EFNA5: variants seen among roughly 807,000 people sequenced by gnomAD.
The protein encoded by EFNA5 is ephrin-A5.
In EFNA5, 5 loss-of-function variants were observed where a neutral mutation model predicts 22.9. The ratio of observed to expected loss-of-function variants is 0.22; its 90% CI spans 0.11 to 0.46. The LOEUF is 0.46. Ranked by LOEUF, EFNA5 falls within the 20% of genes least tolerant of loss-of-function variation. The pLI is 0.99. For missense variants in EFNA5, 237 were observed against 293.3 expected (o/e 0.81, Z 1.40); for synonymous variants, 113 against 112.2 (o/e 1.01, Z -0.04).
chr5:107,502,134 C>T lies in EFNA5; in HGVS notation c.126-74625G>A, dbSNP rs144906088. 7.1e-3 allele frequency among the ~76,000 whole-genome samples: 1,089 copies of T among 152,308 alleles called. 4 individuals are homozygous for T. Among genetic ancestry groups the T allele is most frequent in the Non-Finnish European group, 0.012 (793 of 68,028 alleles). On this transcript the variant is annotated intron_variant, in intron 1 of 4. Transcript: ENST00000333274. Reference sequence around the variant, plus strand: ...ACCCAACGTAGGGCAGAAACCAATCCTCTCAGTTCACCGATCTAATTCCAG... The same window carrying T: ...ACCCAACGTAGGGCAGAAACCAATCTTCTCAGTTCACCGATCTAATTCCAG...
chr5:107,644,518 T>A (rs1380662492), intron 1 of EFNA5, among the ~76,000 whole-genome samples: 1 of 152,194 alleles, frequency 6.6e-6, no homozygotes, highest in Non-Finnish European at 1.5e-5. Flanking sequence ...AACTTGTATA[T>A]TTTTTGCTGT....
chr5:107,402,249 T>C (rs1465549019), intron 2 of EFNA5, among the ~76,000 whole-genome samples: 1 of 152,192 alleles, frequency 6.6e-6, no homozygotes, highest in Non-Finnish European at 1.5e-5. Flanking sequence ...ATGTTTCTCA[T>C]TACAAGGATG....
intron 1 of EFNA5, among the ~76,000 whole-genome samples, chr5:107,586,570 CTG>C (rs1387305067): frequency 1.3e-5 from 2 of 152,170 alleles, no homozygotes; most frequent in African/African-American, 2.4e-5. Flanking sequence ...CACTGGATGA[CTG>C]TTTTTATTAC....
chr5:107,525,143 T>A (rs1436542871), intron 1 of EFNA5, among the ~76,000 whole-genome samples: 5 of 152,176 alleles, frequency 3.3e-5, no homozygotes, highest in Non-Finnish European at 2.9e-5. Context: ...GGCCTCTGTT[T>A]CTTATGTAAA....
chr5:107,457,417 C>T (rs6867911), intron 1 of EFNA5, among the ~76,000 whole-genome samples: 3 of 152,128 alleles, frequency 2.0e-5, no homozygotes, highest in African/African-American at 4.8e-5. Flanking sequence ...AAAGGCATCG[C>T]ATTTGCATAT....
In EFNA5 at chr5:107,670,747, G is replaced by A. The variant is rs1751180197; in HGVS notation, c.-134C>T. The A allele has an allele frequency of 3.1e-6, 4 of 1,285,462 alleles. No homozygotes were observed. The highest frequency in any genetic ancestry group is 4.2e-6 in the Non-Finnish European group (4 of 945,384). 79.6% of individuals were successfully genotyped at this position (1,285,462 alleles called of 1,614,324 possible). On this transcript the variant is annotated 5_prime_UTR_variant, in exon 1 of 5. Coordinates refer to ENST00000333274, the MANE Select transcript of EFNA5 (RefSeq NM_001962.3). ...ATATGAATAAATAAAAATGAAAGTG[G>A]GCGAGAAAGGAAAGAGGCGCCCACC...
chr5:107,389,394 G>A (rs924276137), intron 2 of EFNA5, among the ~76,000 whole-genome samples: 1 of 152,172 alleles, frequency 6.6e-6, no homozygotes, highest in African/African-American at 2.4e-5. Context: ...GGAAAACCAC[G>A]GGTTCCTGAG....
At position 107,387,105 on chromosome 5, in the gene EFNA5, C is replaced by T. The variant is rs577323054; in HGVS notation, c.565+130G>A. ...GGTAGAATATAAGTCATATTAGCAT[C>T]GCTAGCAATGAGCAAAAGCAGAACA... is the stretch of plus-strand genomic sequence containing the variant. On this transcript the variant is annotated intron_variant, in intron 4 of 4. Coordinates refer to ENST00000333274, the MANE Select transcript of EFNA5 (RefSeq NM_001962.3). The T allele has an allele frequency of 1.7e-3, 987 of 575,874 alleles. 1 individual carries two copies. The highest frequency in any genetic ancestry group is 2.8e-3 in the Non-Finnish European group (903 of 322,580). The allele number at this position is 575,874 out of a possible 1,614,324, so 35.7% of individuals were successfully genotyped here. A position where few individuals can be genotyped will look rare whatever the true frequency, so the allele number is the denominator to read the frequency against.
intron 2 of EFNA5, among the ~76,000 whole-genome samples, chr5:107,404,391 A>G (rs1354482160): frequency 6.6e-6 from 1 of 152,222 alleles, no homozygotes; most frequent in Non-Finnish European, 1.5e-5. Flanking sequence ...ACCAAATACA[A>G]ATTAGAAACA....
rs527293103 is a variant in EFNA5, at chr5:107,433,403, C to A, written c.126-5894G>T. On this transcript the variant is annotated intron_variant, in intron 1 of 4. Coordinates refer to ENST00000333274, the MANE Select transcript of EFNA5 (RefSeq NM_001962.3). ...ATGAATTATGTACTTTATGGTAGTT[C>A]TTGATAAACCAGAGGCCACCTGGAG... 2.0e-5 allele frequency among the ~76,000 whole-genome samples: 3 copies of A among 152,222 alleles called. No homozygotes were observed. The East Asian group carries it at 5.8e-4, about 29-fold the overall frequency.
At chr5:107,634,605 G>T (rs1227173908) in intron 1 of EFNA5, among the ~76,000 whole-genome samples, 1 of 146,170 alleles carries the variant, frequency 6.8e-6, no homozygotes, top group African/African-American at 2.4e-5. Flanking sequence ...ACGCCCTGGG[G>T]AGTTCAAAAC....
intron 1 of EFNA5, among the ~76,000 whole-genome samples, chr5:107,570,921 C>A (rs1378812135): frequency 6.6e-6 from 1 of 152,142 alleles, no homozygotes; most frequent in Non-Finnish European, 1.5e-5. Flanking sequence ...TAAAAACAAA[C>A]GAAAGTAAAC....
intron 1 of EFNA5, among the ~76,000 whole-genome samples, chr5:107,593,654 A>C (rs1320990168): frequency 6.6e-6 from 1 of 152,186 alleles, no homozygotes; most frequent in East Asian, 1.9e-4. Flanking sequence ...CCCTCACCCA[A>C]GGTGATTCTA....
chr5:107,399,268 C>T (rs886484188), intron 2 of EFNA5, among the ~76,000 whole-genome samples: 1 of 146,764 alleles, frequency 6.8e-6, no homozygotes, highest in Non-Finnish European at 1.5e-5. Context: ...GCCTGGCCAA[C>T]ATGGCAAAAC....
intron 1 of EFNA5, among the ~76,000 whole-genome samples, chr5:107,477,635 T>C (rs148265938): frequency 1.3e-5 from 2 of 152,292 alleles, no homozygotes; most frequent in East Asian, 3.9e-4. Flanking sequence ...GGTAACCTGA[T>C]AGTAATAACT....
At chr5:107,442,717 C>T (rs1489425326) in intron 1 of EFNA5, among the ~76,000 whole-genome samples, 1 of 151,544 alleles carries the variant, frequency 6.6e-6, no homozygotes, top group Non-Finnish European at 1.5e-5. Context: ...TGGAAGCGAG[C>T]TAAGGAAAGC....
chr5:107,598,851 T>C (rs964748763), intron 1 of EFNA5, among the ~76,000 whole-genome samples: 3 of 152,190 alleles, frequency 2.0e-5, no homozygotes, highest in South Asian at 4.1e-4. Flanking sequence ...TTCCACAATG[T>C]TTAACTCTTT....
intron 1 of EFNA5, among the ~76,000 whole-genome samples, chr5:107,572,493 G>A (rs935080263): frequency 2.0e-5 from 3 of 152,138 alleles, no homozygotes; most frequent in African/African-American, 4.8e-5. Context: ...GCCGCCAAAG[G>A]GAACCTGCCA....
chr5:107,407,525 G>A (rs1351069890), intron 2 of EFNA5, among the ~76,000 whole-genome samples: 1 of 152,018 alleles, frequency 6.6e-6, no homozygotes, highest in Non-Finnish European at 1.5e-5. Flanking sequence ...AGATGACCTG[G>A]GCCAGGGACA....
Sources: gnomAD v4.1 joint callset for allele counts (sites outside exome capture counted in the v4.1 genomes callset) on GRCh38, gnomAD v4.1.1 for gene constraint, MANE v1.5 for transcripts, NCBI Gene and HGNC (gene_info 2026-07-23, HGNC 2026-07-21) for gene names.